The following UNC5C variants were observed in gnomAD, a reference collection of about 807,000 sequenced individuals.
UNC5C encodes netrin receptor UNC5C.
UNC5C carries 47 observed loss-of-function variants against 99.8 expected under a neutral mutation model. That is an observed-to-expected ratio of 0.47 (90% confidence interval 0.37 to 0.60). The LOEUF (loss-of-function observed/expected upper bound fraction) is 0.60. Ranked by LOEUF, UNC5C falls within the 20% of genes least tolerant of loss-of-function variation. The probability of loss-of-function intolerance (pLI) is 0.00; values close to 1 mark genes in which losing one functional copy is unlikely to be tolerated. For synonymous variants in UNC5C, 487 were observed against 452.2 expected, an observed-to-expected ratio of 1.08 and a Z score of -0.98; for missense variants, 1,062 against 1,165.9, an observed-to-expected ratio of 0.91 and a Z score of 1.30.
At chr4:95,385,767 CAT>C (rs1425133638) in intron 1 of UNC5C, among the ~76,000 whole-genome samples, 1 of 152,150 alleles carries the variant, frequency 6.6e-6, no homozygotes, top group East Asian at 1.9e-4. Flanking sequence ...ACATCTTACA[CAT>C]GTTTAAGAAA....
At chr4:95,480,289 G>T (rs915851989) in intron 1 of UNC5C, among the ~76,000 whole-genome samples, 8 of 151,816 alleles carry the variant, frequency 5.3e-5, no homozygotes, top group Middle Eastern at 3.2e-3. Flanking sequence ...GTGTTTGTGT[G>T]TGTATATATA....
intron 11 of UNC5C, among the ~76,000 whole-genome samples, 188 bp downstream of exon 11, chr4:95,206,440 C>T (rs1737878353): frequency 6.6e-6 from 1 of 152,106 alleles, no homozygotes. Context: ...CCATCATTTT[C>T]TGTGTGCCTG....
intron 2 of UNC5C, among the ~76,000 whole-genome samples, chr4:95,316,957 G>A (rs1386089191): frequency 1.4e-5 from 2 of 139,282 alleles, no homozygotes; most frequent in Admixed American, 7.4e-5. Context: ...ATATGTTCCT[G>A]ATGGAAATCT....
chr4:95,379,717 A>G (rs973463346), intron 1 of UNC5C, among the ~76,000 whole-genome samples: 6 of 152,202 alleles, frequency 3.9e-5, no homozygotes, highest in Non-Finnish European at 8.8e-5. Flanking sequence ...ATTTAGTTTC[A>G]CATGACTTAG....
intron 2 of UNC5C, among the ~76,000 whole-genome samples, chr4:95,321,316 A>C (rs925621238): frequency 1.3e-5 from 2 of 152,200 alleles, no homozygotes; most frequent in African/African-American, 4.8e-5. Context: ...GATTAGAAAC[A>C]AAAAGAATCT....
At chr4:95,429,863 G>A (rs1746584918) in intron 1 of UNC5C, among the ~76,000 whole-genome samples, 1 of 152,048 alleles carries the variant, frequency 6.6e-6, no homozygotes, top group African/African-American at 2.4e-5. Flanking sequence ...GTAAAGACAT[G>A]GAGGAAACTT....
At chr4:95,341,282 C>G (rs954296528) in intron 1 of UNC5C, among the ~76,000 whole-genome samples, 1 of 152,058 alleles carries the variant, frequency 6.6e-6, no homozygotes, top group African/African-American at 2.4e-5. Context: ...AGACTGAGAA[C>G]AACTGACCAC....
intron 4 of UNC5C, among the ~76,000 whole-genome samples, chr4:95,268,438 G>A (rs1208952179): frequency 1.3e-5 from 2 of 152,196 alleles, no homozygotes; most frequent in Admixed American, 1.3e-4. Context: ...TTCAGAGATA[G>A]GTGGACTTTG....
chr4:95,454,262 A>G (rs1467125917), intron 1 of UNC5C, among the ~76,000 whole-genome samples: 2 of 144,448 alleles, frequency 1.4e-5, no homozygotes, highest in African/African-American at 2.4e-5. Flanking sequence ...AGAGTCAATC[A>G]GACTCTTCAC....
chr4:95,466,307 G>A (rs191341480), intron 1 of UNC5C, among the ~76,000 whole-genome samples: 116 of 152,148 alleles, frequency 7.6e-4, no homozygotes, highest in Admixed American at 1.3e-4. Flanking sequence ...TGGCCGTTGC[G>A]GAGCTTAAAA....
At chr4:95,299,855 G>C (rs986356752) in intron 3 of UNC5C, among the ~76,000 whole-genome samples, 1 of 152,200 alleles carries the variant, frequency 6.6e-6, no homozygotes, top group Non-Finnish European at 1.5e-5. Flanking sequence ...GTGGGACACA[G>C]AACCAAACCT....
At chr4:95,261,351 T>C (rs1381797225) in intron 4 of UNC5C, among the ~76,000 whole-genome samples, 1 of 152,192 alleles carries the variant, frequency 6.6e-6, no homozygotes, top group Non-Finnish European at 1.5e-5. Context: ...GAATTGGGTG[T>C]GCTTTGATTT....
chr4:95,424,911 A>G (rs1746434358), intron 1 of UNC5C, among the ~76,000 whole-genome samples: 1 of 151,996 alleles, frequency 6.6e-6, no homozygotes, highest in South Asian at 2.1e-4. Context: ...AGACACTTTT[A>G]CCCACCAAAC....
intron 3 of UNC5C, among the ~76,000 whole-genome samples, chr4:95,297,157 TA>T (rs1288667599): frequency 6.6e-6 from 1 of 152,176 alleles, no homozygotes; most frequent in Non-Finnish European, 1.5e-5. Context: ...TTCAGATTCC[TA>T]TGGAGTCATC....
Position 95,167,165 on chromosome 4 carries a change from C to T in UNC5C, c.*2069G>A, listed in dbSNP as rs1224121342. The T allele has an allele frequency of 6.6e-6, 1 of 152,202 alleles. No individual in the cohort carries two copies. Among genetic ancestry groups the T allele is most frequent in the Non-Finnish European group, 1.5e-5 (1 of 68,042 alleles). The allele number at this position is 152,202 out of a possible 1,614,324, so 9.4% of individuals were successfully genotyped here. On this transcript the variant is annotated 3_prime_UTR_variant, in exon 16 of 16. Coordinates refer to ENST00000453304, the MANE Select transcript of UNC5C (RefSeq NM_003728.4). ...GAAAGATGGAAGCACATGTATAATT[C>T]AAGTCTGTTCAGCAACTTGTGTGCC...
At position 95,185,074 on chromosome 4, in the gene UNC5C, C is replaced by G. The variant is rs1397571731; in HGVS notation, c.2259G>C (p.Trp753Cys). Residue 753 changes from tryptophan to cysteine, a missense_variant, in exon 13 of 16, where the codon TGG (tryptophan) becomes TGC (cysteine). By Grantham distance (215) the Trp-to-Cys change is radical (BLOSUM62 -2). Coordinates refer to ENST00000453304, the MANE Select transcript of UNC5C (RefSeq NM_003728.4). ...LSIHDIAHSL[W>C]KSKLLAKYQE... ...GATATTTAGCCAGCAATTTGCTCTT[C>G]CAGAGGGAATGGGCGATATCGTGAA... is the stretch of plus-strand genomic sequence containing the variant. 2 of 1,613,380 alleles carry G rather than the reference C, an allele frequency of 1.2e-6. No individual in the cohort carries two copies. Among genetic ancestry groups the G allele is most frequent in the Admixed American group, 1.7e-5 (1 of 59,762 alleles).
At chr4:95,337,624 A>G (rs1743399902) in intron 1 of UNC5C, among the ~76,000 whole-genome samples, 1 of 151,956 alleles carries the variant, frequency 6.6e-6, no homozygotes, top group South Asian at 2.1e-4. Context: ...TATTTAGAAA[A>G]TGTATGGGCA....
intron 1 of UNC5C, among the ~76,000 whole-genome samples, chr4:95,482,701 C>G (rs1382977884): frequency 8.1e-6 from 1 of 123,656 alleles, no homozygotes; most frequent in Non-Finnish European, 1.7e-5. Flanking sequence ...GAGTTCATGT[C>G]CTTTGTAGGG....
At chr4:95,385,200 T>C (rs148583585) in intron 1 of UNC5C, among the ~76,000 whole-genome samples, 137 of 152,340 alleles carry the variant, frequency 9.0e-4, no homozygotes, top group African/African-American at 3.1e-3. Flanking sequence ...AAAGACTTCA[T>C]TTTATTTCAA....
Sources: allele counts gnomAD v4.1 joint callset (sites outside exome capture counted in the v4.1 genomes callset), GRCh38; gene constraint gnomAD v4.1.1; transcripts MANE v1.5; gene names NCBI Gene and HGNC (gene_info 2026-07-23, HGNC 2026-07-21).